SPOPL: variants seen among roughly 807,000 people sequenced by gnomAD.
SPOPL encodes speckle-type POZ protein-like.
A neutral mutation model predicts 53.8 loss-of-function variants in SPOPL; 23 were observed. The ratio of observed to expected loss-of-function variants is 0.43; its 90% CI spans 0.31 to 0.61. The LOEUF (loss-of-function observed/expected upper bound fraction) is 0.61, where lower values mean the gene tolerates loss of function less well. Among genes scored for constraint, SPOPL ranks in the 20% least tolerant of loss-of-function variants. The probability of loss-of-function intolerance (pLI) is 0.12; values close to 1 mark genes in which losing one functional copy is unlikely to be tolerated. For synonymous variants in SPOPL, 164 were observed against 149.7 expected (o/e 1.10, Z -0.70); for missense variants, 442 against 466.9 (o/e 0.95, Z 0.49).
At chr2:138,545,870 A>G (rs1360189385) in intron 1 of SPOPL, among the ~76,000 whole-genome samples, 1 of 152,212 alleles carries the variant, frequency 6.6e-6, no homozygotes, top group African/African-American at 2.4e-5. Context: ...CTATGTGTAT[A>G]TACATTTTTA....
At chr2:138,543,930 T>C (rs1232351978) in intron 1 of SPOPL, among the ~76,000 whole-genome samples, 1 of 152,242 alleles carries the variant, frequency 6.6e-6, no homozygotes, top group Non-Finnish European at 1.5e-5. Flanking sequence ...ATGTCCTTCC[T>C]GTGTTAGTTT....
intron 1 of SPOPL, among the ~76,000 whole-genome samples, chr2:138,509,407 T>C (rs1046701039): frequency 1.8e-4 from 27 of 152,288 alleles, no homozygotes; most frequent in Admixed American, 1.7e-3. Context: ...TATTATTTTA[T>C]AGGTATGAGC....
intron 1 of SPOPL, among the ~76,000 whole-genome samples, chr2:138,506,144 C>T (rs1471139364): frequency 6.6e-6 from 1 of 152,232 alleles, no homozygotes; most frequent in Non-Finnish European, 1.5e-5. Flanking sequence ...GTTGGCTGCT[C>T]TGCAGAGAAC....
At chr2:138,549,303 A>G (rs940428755) in intron 1 of SPOPL, among the ~76,000 whole-genome samples, 2 of 151,932 alleles carry the variant, frequency 1.3e-5, no homozygotes, top group Non-Finnish European at 2.9e-5. Flanking sequence ...TCTCATAACA[A>G]TTTTTGTCTT....
intron 1 of SPOPL, among the ~76,000 whole-genome samples, chr2:138,541,420 A>C (rs1034739304): frequency 2.0e-5 from 3 of 151,984 alleles, no homozygotes; most frequent in East Asian, 1.9e-4. Flanking sequence ...TCAATTTCAG[A>C]GCCTGTTATT....
chr2:138,564,113 A>G (rs913950359), intron 8 of SPOPL, among the ~76,000 whole-genome samples: 1 of 152,216 alleles, frequency 6.6e-6, no homozygotes, highest in African/African-American at 2.4e-5. Context: ...GGCAAGAGGG[A>G]AAGATTACAA....
intron 1 of SPOPL, among the ~76,000 whole-genome samples, chr2:138,516,640 A>G (rs1396529810): frequency 6.6e-6 from 1 of 152,190 alleles, no homozygotes; most frequent in East Asian, 1.9e-4. Context: ...GTCCTTAATA[A>G]GGGAACCTAA....
chr2:138,550,998 G>T lies in SPOPL; in HGVS notation c.296G>T (p.Arg99Leu), dbSNP rs753118802. The T allele has an allele frequency of 1.2e-6, 2 of 1,613,410 alleles. No homozygotes were observed. Among genetic ancestry groups the T allele is most frequent in the Admixed American group, 3.3e-5 (2 of 59,994 alleles). The change falls in exon 4 of 11, where the codon CGA (arginine) becomes CTA (leucine). Residue 99 changes from arginine (R) to leucine (L), a missense_variant. Arg to Leu is a moderately radical substitution (Grantham distance 102, BLOSUM62 -2). Transcript: ENST00000280098. Reference protein sequence around the residue: ...LLVSCPKSEVRAKFKFSLLNA... With the variant: ...LLVSCPKSEVLAKFKFSLLNA... ...GTCAGCTGCCCCAAAAGTGAAGTTC[G>T]AGCAAAATTCAAATTTTCCCTTCTG...
intron 5 of SPOPL, among the ~76,000 whole-genome samples, chr2:138,555,167 T>C (rs912176044): frequency 8.9e-5 from 13 of 145,582 alleles, no homozygotes; most frequent in African/African-American, 2.1e-4. Context: ...TGTGTGTGTG[T>C]GTGCGAGCCA....
intron 1 of SPOPL, among the ~76,000 whole-genome samples, chr2:138,512,013 C>G (rs950149588): frequency 1.3e-5 from 2 of 152,080 alleles, no homozygotes; most frequent in African/African-American, 2.4e-5. Context: ...TTATAATGTG[C>G]TTTCCATGAG....
intron 5 of SPOPL, among the ~76,000 whole-genome samples, chr2:138,557,521 TA>T (rs1231000305): frequency 6.6e-6 from 1 of 152,220 alleles, no homozygotes; most frequent in Admixed American, 6.5e-5. Context: ...TTTGTTAGCA[TA>T]TTGGTAGTTT....
intron 8 of SPOPL, among the ~76,000 whole-genome samples, chr2:138,561,342 G>T (rs185431103): frequency 1.3e-5 from 2 of 152,122 alleles, no homozygotes; most frequent in Admixed American, 1.3e-4. Context: ...TATTATGACA[G>T]CATAGAGCAA....
At chr2:138,510,354 T>C (rs1368014463) in intron 1 of SPOPL, among the ~76,000 whole-genome samples, 1 of 152,198 alleles carries the variant, frequency 6.6e-6, no homozygotes, top group Non-Finnish European at 1.5e-5. Context: ...GTGAGAGTTT[T>C]TGTTGTTCCA....
intron 1 of SPOPL, among the ~76,000 whole-genome samples, chr2:138,541,219 C>T (rs1299235918): frequency 1.3e-5 from 2 of 152,048 alleles, no homozygotes; most frequent in African/African-American, 2.4e-5. Flanking sequence ...TTTGTTGTGT[C>T]TCTGCCAGGC....
chr2:138,567,372 A>AGTGTGT (rs57208490), intron 10 of SPOPL, among the ~76,000 whole-genome samples: 2,351 of 112,980 alleles, frequency 0.021, 63 homozygotes, highest in Non-Finnish European at 0.028. Flanking sequence ...AGAGCAGTAT[A>AGTGTGT]GTGTGTGTGT....
chr2:138,524,735 G>T (rs1322644902), intron 1 of SPOPL, among the ~76,000 whole-genome samples: 1 of 152,220 alleles, frequency 6.6e-6, no homozygotes, highest in Non-Finnish European at 1.5e-5. Flanking sequence ...CTTTGCTGTA[G>T]TTCCTAACAC....
intron 1 of SPOPL, among the ~76,000 whole-genome samples, chr2:138,518,671 C>A (rs1410550047): frequency 1.3e-5 from 2 of 152,292 alleles, no homozygotes; most frequent in East Asian, 3.9e-4. Flanking sequence ...ACATGTTAGA[C>A]ATCAATCTGT....
chr2:138,508,183 A>AAT (rs1436020140), intron 1 of SPOPL, among the ~76,000 whole-genome samples: 19 of 152,192 alleles, frequency 1.2e-4, no homozygotes, highest in African/African-American at 4.6e-4. Flanking sequence ...CTCTTGGACC[A>AAT]TGGGTAGAAT....
chr2:138,549,364 T>C (rs1685265216), intron 1 of SPOPL, among the ~76,000 whole-genome samples: 2 of 152,150 alleles, frequency 1.3e-5, no homozygotes, highest in Non-Finnish European at 2.9e-5. Context: ...CTTCAGTATA[T>C]ATATTGTCAT....
Sources: allele counts gnomAD v4.1 joint callset (sites outside exome capture counted in the v4.1 genomes callset), GRCh38; gene constraint gnomAD v4.1.1; transcripts MANE v1.5; gene names NCBI Gene and HGNC (gene_info 2026-07-23, HGNC 2026-07-21).